RRM2B: variants seen among roughly 807,000 people sequenced by gnomAD.
The protein encoded by RRM2B is ribonucleoside-diphosphate reductase subunit M2 B.
In RRM2B, 20 loss-of-function variants were observed where a neutral mutation model predicts 45.9. The observed-to-expected ratio is 0.44, with a 90% CI of 0.31 to 0.63. The LOEUF (loss-of-function observed/expected upper bound fraction) is 0.63, where lower values mean the gene tolerates loss of function less well. Among genes scored for constraint, RRM2B ranks in the 30% least tolerant of loss-of-function variants. The pLI is 0.09. For missense variants in RRM2B, 320 were observed against 414.7 expected, an observed-to-expected ratio of 0.77 and a Z score of 1.98; for synonymous variants, 124 against 132.3, an observed-to-expected ratio of 0.94 and a Z score of 0.43.
chr8:102,224,245 G>A (rs948038198), intron 4 of RRM2B, 105 bp from the exon 5 acceptor site: 154 of 741,604 alleles, frequency 2.1e-4, no homozygotes, highest in Admixed American at 3.2e-4. Flanking sequence ...GCAGTGGCAC[G>A]ATCTCGGCTC....
intron 1 of RRM2B, among the ~76,000 whole-genome samples, chr8:102,237,362 TTTTTG>T (rs1238680931): frequency 6.6e-6 from 1 of 152,210 alleles, no homozygotes; most frequent in South Asian, 2.1e-4. Flanking sequence ...GGGTTTTTTG[TTTTTG>T]TTTTAATATG....
At chr8:102,223,825 T>G (rs1401450199) in intron 5 of RRM2B, among the ~76,000 whole-genome samples, 1 of 152,220 alleles carries the variant, frequency 6.6e-6, no homozygotes, top group Non-Finnish European at 1.5e-5. Flanking sequence ...CACTAACATC[T>G]TAACTTTTCA....
At chr8:102,228,556 C>G (rs1810973853) in intron 2 of RRM2B, among the ~76,000 whole-genome samples, 1 of 152,266 alleles carries the variant, frequency 6.6e-6, no homozygotes, top group Non-Finnish European at 1.5e-5. Flanking sequence ...CTTAAGCCAT[C>G]TGCGGACAGC....
intron 1 of RRM2B, among the ~76,000 whole-genome samples, chr8:102,234,053 C>CT (rs1274204847): frequency 6.6e-6 from 1 of 152,078 alleles, no homozygotes; most frequent in Non-Finnish European, 1.5e-5. Flanking sequence ...AACTCCTGGC[C>CT]TTTGTTATTT....
intron 6 of RRM2B, among the ~76,000 whole-genome samples, chr8:102,216,021 A>G (rs953266166): frequency 6.6e-6 from 1 of 151,766 alleles, no homozygotes; most frequent in Admixed American, 6.6e-5. Flanking sequence ...AAAAGTTTCG[A>G]TATTTATCCT....
At chr8:102,223,339 T>C (rs916192950) in intron 5 of RRM2B, among the ~76,000 whole-genome samples, 1 of 152,242 alleles carries the variant, frequency 6.6e-6, no homozygotes, top group Non-Finnish European at 1.5e-5. Flanking sequence ...CACTAATCTT[T>C]AGTTTTTGAG....
intron 8 of RRM2B, 60 bp from the exon 9 acceptor site, chr8:102,208,345 G>C: frequency 8.0e-7 from 1 of 1,244,686 alleles, no homozygotes; most frequent in Non-Finnish European, 1.2e-6. Context: ...TCCACAATAA[G>C]AGCAAAGATG....
chr8:102,231,756 C>T (rs756261777), intron 2 of RRM2B, among the ~76,000 whole-genome samples: 5 of 151,392 alleles, frequency 3.3e-5, no homozygotes, highest in Non-Finnish European at 5.9e-5. Context: ...GTAATCCCAA[C>T]TACTCAGGAA....
chr8:102,216,544 A>G (rs1341112834), intron 6 of RRM2B, among the ~76,000 whole-genome samples: 5 of 152,176 alleles, frequency 3.3e-5, no homozygotes, highest in African/African-American at 1.2e-4. Flanking sequence ...AAAGGACCCA[A>G]TCAGTCACTG....
At chr8:102,226,068 G>A in intron 2 of RRM2B, 34 bp from the exon 3 acceptor site, 1 of 1,307,386 alleles carries the variant, frequency 7.6e-7, no homozygotes, top group South Asian at 1.2e-5. Context: ...ATTTTAATTT[G>A]GAGTTAAGTT....
intron 5 of RRM2B, among the ~76,000 whole-genome samples, chr8:102,222,032 T>A (rs1285307429): frequency 6.6e-6 from 1 of 152,116 alleles, no homozygotes; most frequent in African/African-American, 2.4e-5. Context: ...ATTCTCCAGA[T>A]GACTTTTACA....
intron 8 of RRM2B, among the ~76,000 whole-genome samples, chr8:102,212,281 T>G: frequency 6.6e-6 from 1 of 152,170 alleles, no homozygotes; most frequent in Non-Finnish European, 1.5e-5. Flanking sequence ...GCAGGCTCCA[T>G]GTCTTAAGTA....
intron 5 of RRM2B, among the ~76,000 whole-genome samples, chr8:102,220,004 C>T (rs141970062): frequency 1.3e-5 from 2 of 152,260 alleles, no homozygotes; most frequent in Admixed American, 6.5e-5. Flanking sequence ...TTTGGTAGAC[C>T]GAGGAAGGAG....
At chr8:102,217,430 A>G (rs1165301023) in intron 6 of RRM2B, among the ~76,000 whole-genome samples, 1 of 152,194 alleles carries the variant, frequency 6.6e-6, no homozygotes, top group African/African-American at 2.4e-5. Flanking sequence ...AAAGCCATGA[A>G]AAAGCAAAAA....
intron 2 of RRM2B, among the ~76,000 whole-genome samples, chr8:102,229,180 G>C (rs1810985316): frequency 6.6e-6 from 1 of 152,150 alleles, no homozygotes; most frequent in Non-Finnish European, 1.5e-5. Flanking sequence ...TTGAACCCAG[G>C]AGGAGGAGGT....
In RRM2B at chr8:102,208,010, G is replaced by T; in HGVS notation, c.*123C>A. ...ATGCAAATTGTTTAGAATAGGTTTT[G>T]GATTTCCTTTTGAGCAAACCCCCAG... On this transcript the variant is annotated 3_prime_UTR_variant, in exon 9 of 9. Coordinates refer to ENST00000251810, the MANE Select transcript of RRM2B (RefSeq NM_015713.5). The T allele has an allele frequency of 2.7e-6, 2 of 748,428 alleles. No homozygotes were observed. The highest frequency in any genetic ancestry group is 1.7e-5 in the South Asian group (1 of 60,420). The allele number at this position is 748,428 out of a possible 1,614,324, so 46.4% of individuals were successfully genotyped here.
In RRM2B at chr8:102,205,869, C is replaced by T. The variant is rs1390317138; in HGVS notation, c.*2264G>A. ...AATAACAAACCAGTGCATTAAAAAT[C>T]CAGTATGTCAGTATTAAGACTTCTT... On this transcript the variant is annotated 3_prime_UTR_variant, in exon 9 of 9. Coordinates refer to ENST00000251810, the MANE Select transcript of RRM2B (RefSeq NM_015713.5). The T allele has an allele frequency of 6.6e-6, 1 of 151,990 alleles. No homozygotes were observed. Among genetic ancestry groups the T allele is most frequent in the Admixed American group, 6.6e-5 (1 of 15,260 alleles). The allele number at this position is 151,990 out of a possible 1,614,324, so 9.4% of individuals were successfully genotyped here. A position where few individuals can be genotyped will look rare whatever the true frequency, so the allele number is the denominator to read the frequency against.
intron 1 of RRM2B, among the ~76,000 whole-genome samples, chr8:102,237,835 TAAATA>T (rs781016656): frequency 3.9e-5 from 6 of 152,174 alleles, no homozygotes; most frequent in Admixed American, 6.6e-5. Context: ...AAAATCAAGT[TAAATA>T]AAATAAAATC....
At chr8:102,219,775 T>C in intron 5 of RRM2B, among the ~76,000 whole-genome samples, 1 of 152,214 alleles carries the variant, frequency 6.6e-6, no homozygotes, top group East Asian at 1.9e-4. Context: ...GACGGTGAGA[T>C]ACAGGCAGCT....
Sources: gnomAD v4.1 joint callset for allele counts (sites outside exome capture counted in the v4.1 genomes callset) on GRCh38, gnomAD v4.1.1 for gene constraint, MANE v1.5 for transcripts, NCBI Gene and HGNC (gene_info 2026-07-23, HGNC 2026-07-21) for gene names.